CHCHD3: variants seen among roughly 807,000 people sequenced by gnomAD.
The protein encoded by CHCHD3 is MICOS complex subunit MIC19.
In CHCHD3, 20 loss-of-function variants were observed where a neutral mutation model predicts 38.2. That is an observed-to-expected ratio of 0.52 (90% CI 0.37 to 0.76). CHCHD3 has a LOEUF of 0.76. Among genes scored for constraint, CHCHD3 ranks in the 30% least tolerant of loss-of-function variants. CHCHD3 has a pLI of 0.00. For synonymous variants in CHCHD3, 82 were observed against 100.0 expected (o/e 0.82, Z 1.07); for missense variants, 245 against 279.2 (o/e 0.88, Z 0.87).
chr7:132,930,383 G>A (rs1330816637), intron 4 of CHCHD3, among the ~76,000 whole-genome samples: 2 of 151,884 alleles, frequency 1.3e-5, no homozygotes, highest in South Asian at 2.1e-4. Context: ...TGGCCAGACT[G>A]GTCTCAAACT....
intron 4 of CHCHD3, among the ~76,000 whole-genome samples, chr7:132,948,501 A>G (rs1038337471): frequency 5.9e-5 from 9 of 152,108 alleles, no homozygotes; most frequent in African/African-American, 2.2e-4. Context: ...GAGGGAATAT[A>G]TAATGTGTAA....
At chr7:132,990,260 T>C (rs944276165) in intron 3 of CHCHD3, among the ~76,000 whole-genome samples, 1 of 152,156 alleles carries the variant, frequency 6.6e-6, no homozygotes, top group African/African-American at 2.4e-5. Flanking sequence ...TTAGAAAATA[T>C]CTATACTCCT....
chr7:132,811,468 G>A (rs537841014), intron 6 of CHCHD3, among the ~76,000 whole-genome samples: 2 of 152,344 alleles, frequency 1.3e-5, no homozygotes, highest in African/African-American at 4.8e-5. Context: ...ACAGTCATAA[G>A]TGGCTAGTGG....
chr7:132,831,384 G>T (rs1031910856), intron 6 of CHCHD3, among the ~76,000 whole-genome samples: 3 of 129,456 alleles, frequency 2.3e-5, no homozygotes, highest in Non-Finnish European at 5.4e-5. Context: ...TGTACATTTG[G>T]TATATTAGAT....
intron 1 of CHCHD3, among the ~76,000 whole-genome samples, chr7:133,074,214 T>C (rs898158649): frequency 6.6e-6 from 1 of 152,248 alleles, no homozygotes; most frequent in African/African-American, 2.4e-5. Context: ...CAGGCACTAA[T>C]CAAGGCCCTG....
chr7:132,942,907 CAGG>C (rs1271165709), intron 4 of CHCHD3, among the ~76,000 whole-genome samples: 1 of 152,058 alleles, frequency 6.6e-6, no homozygotes, highest in African/African-American at 2.4e-5. Context: ...TGGTTTGCTG[CAGG>C]AGGTCTCTAT....
chr7:133,081,162 A>C (rs1342075461), intron 1 of CHCHD3, among the ~76,000 whole-genome samples: 1 of 152,232 alleles, frequency 6.6e-6, no homozygotes, highest in Admixed American at 6.5e-5. Context: ...CTGGTATGAA[A>C]AACTGCAAAC....
chr7:133,015,480 T>C lies in CHCHD3; in HGVS notation c.251+9066A>G, dbSNP rs145188621. On this transcript the variant is annotated intron_variant, in intron 3 of 7. Transcript: ENST00000262570. ...AAGATAAAAGAATTTTTTTAAATAC[T>C]GTACAGAGTAGCTATCTAGATCTAA... Among the ~76,000 whole-genome samples the C allele has an allele frequency of 3.7e-4, 56 of 152,276 alleles. 1 individual carries two copies. In the East Asian group the frequency reaches 7.7e-3, roughly 21 times the overall value.
At chr7:132,904,711 T>C (rs1809753733) in intron 4 of CHCHD3, among the ~76,000 whole-genome samples, 1 of 152,158 alleles carries the variant, frequency 6.6e-6, no homozygotes, top group South Asian at 2.1e-4. Flanking sequence ...GAACTAGAAA[T>C]ACCATTTGAC....
chr7:133,015,227 C>A (rs1284840741), intron 3 of CHCHD3, among the ~76,000 whole-genome samples: 1 of 152,044 alleles, frequency 6.6e-6, no homozygotes, highest in African/African-American at 2.4e-5. Flanking sequence ...CCTGTAATCC[C>A]AGCTACTTGG....
At chr7:132,949,361 C>T (rs1397563943) in intron 4 of CHCHD3, among the ~76,000 whole-genome samples, 1 of 152,136 alleles carries the variant, frequency 6.6e-6, no homozygotes, top group East Asian at 1.9e-4. Flanking sequence ...TGCTCCCCTA[C>T]TCAATCCCAC....
At chr7:132,997,957 A>G (rs984104649) in intron 3 of CHCHD3, among the ~76,000 whole-genome samples, 1 of 152,214 alleles carries the variant, frequency 6.6e-6, no homozygotes, top group Admixed American at 6.5e-5. Context: ...TTAAAAATAA[A>G]TAAATACTGT....
chr7:132,922,240 C>A (rs1311312325), intron 4 of CHCHD3, among the ~76,000 whole-genome samples: 2 of 152,086 alleles, frequency 1.3e-5, no homozygotes, highest in Non-Finnish European at 2.9e-5. Flanking sequence ...AGGGCGGGTA[C>A]AGCACAAGCA....
chr7:133,028,570 T>C (rs1813409926), intron 2 of CHCHD3, among the ~76,000 whole-genome samples: 1 of 152,058 alleles, frequency 6.6e-6, no homozygotes, highest in Non-Finnish European at 1.5e-5. Flanking sequence ...TGGTTTATCA[T>C]GATAGTGGGA....
chr7:133,073,522 A>C (rs114559565), intron 1 of CHCHD3, among the ~76,000 whole-genome samples: 3,417 of 152,038 alleles, frequency 0.022, 129 homozygotes, highest in African/African-American at 0.078. Flanking sequence ...CGTTTGCCGC[A>C]TATCTCCTCT....
intron 5 of CHCHD3, among the ~76,000 whole-genome samples, chr7:132,880,946 T>G (rs1452054354): frequency 6.6e-6 from 1 of 152,200 alleles, no homozygotes; most frequent in Non-Finnish European, 1.5e-5. Context: ...ATACTATCTA[T>G]GTCTCTTATA....
intron 3 of CHCHD3, among the ~76,000 whole-genome samples, chr7:133,002,398 A>T (rs1209468475): frequency 6.6e-6 from 1 of 152,134 alleles, no homozygotes; most frequent in Non-Finnish European, 1.5e-5. Context: ...TTCAAATCAG[A>T]TCTCTCCAAC....
chr7:132,904,211 T>A (rs990055318), intron 4 of CHCHD3, among the ~76,000 whole-genome samples: 1 of 151,666 alleles, frequency 6.6e-6, no homozygotes, highest in African/African-American at 2.4e-5. Context: ...CAGTGAGCTA[T>A]GATCATGCCA....
intron 5 of CHCHD3, among the ~76,000 whole-genome samples, chr7:132,875,996 C>A (rs948590454): frequency 2.0e-5 from 3 of 152,180 alleles, no homozygotes; most frequent in African/African-American, 7.2e-5. Flanking sequence ...AAACGTAATC[C>A]TTACAGACGC....
Sources: allele counts gnomAD v4.1 joint callset (sites outside exome capture counted in the v4.1 genomes callset), GRCh38; gene constraint gnomAD v4.1.1; transcripts MANE v1.5; gene names NCBI Gene and HGNC (gene_info 2026-07-23, HGNC 2026-07-21).